Variants in ACP1 observed in about 807,000 individuals in gnomAD.
ACP1 encodes acid phosphatase 1.
Under a neutral mutation model 23.4 loss-of-function variants are expected in ACP1, and 23 were observed. The ratio of observed to expected loss-of-function variants is 0.98; its 90% CI spans 0.71 to 1.39. The LOEUF (loss-of-function observed/expected upper bound fraction) is 1.39. Ranked by LOEUF, ACP1 falls within the 40% of genes most tolerant of loss-of-function variation. ACP1 has a pLI of 0.00. For synonymous variants in ACP1, 72 were observed against 67.2 expected (o/e 1.07, Z -0.35); for missense variants, 180 against 197.7 (o/e 0.91, Z 0.54).
intron 1 of ACP1, among the ~76,000 whole-genome samples, chr2:267,821 TGACATACA>T (rs1430986651): frequency 6.6e-6 from 1 of 152,236 alleles, no homozygotes; most frequent in Non-Finnish European, 1.5e-5. Context: ...TGGCTTCACA[TGACATACA>T]GAAAGGGTGT....
At position 278,148 on chromosome 2, in the gene ACP1, A is replaced by G. The variant is rs60700010; in HGVS notation, c.*844A>G. 2.7e-3 allele frequency: 416 copies of G among 152,374 alleles called. 1 individual carries two copies. Among genetic ancestry groups the G allele is most frequent in the African/African-American group, 9.5e-3 (396 of 41,586 alleles). 9.4% of individuals were successfully genotyped at this position (152,374 alleles called of 1,614,324 possible). A position where few individuals can be genotyped will look rare whatever the true frequency, so the allele number is the denominator to read the frequency against. On this transcript the variant is annotated 3_prime_UTR_variant, in exon 6 of 6. Coordinates refer to ENST00000272065, the MANE Select transcript of ACP1 (RefSeq NM_004300.4). ...ATTATTTGGCATGCTTAAATATTGAATAAGTATTCTTCATCAGCATTTAAT... is the reference window on the plus strand; with the variant it reads ...ATTATTTGGCATGCTTAAATATTGAGTAAGTATTCTTCATCAGCATTTAAT...
Position 275,213 on chromosome 2 carries a change from T to A in ACP1, c.293+12T>A, listed in dbSNP as rs767068221. 26 of 1,479,706 alleles carry A rather than the reference T, an allele frequency of 1.8e-5. No individual in the cohort carries two copies. The highest frequency in any genetic ancestry group is 2.4e-5 in the Non-Finnish European group (26 of 1,074,372). The allele number at this position is 1,479,706 out of a possible 1,614,324, so 91.7% of individuals were successfully genotyped here. A position where few individuals can be genotyped will look rare whatever the true frequency, so the allele number is the denominator to read the frequency against. ...GAAAGCAATCTGAGGTAATCCTGTT[T>A]TTGAAGAATATTTCTGTTCAACTCT... On this transcript the variant is annotated intron_variant, in intron 4 of 5. Coordinates refer to ENST00000272065, the MANE Select transcript of ACP1 (RefSeq NM_004300.4).
At chr2:273,032 T>C (rs2103074614) in intron 3 of ACP1, 1 of 154,598 alleles carries the variant, frequency 6.5e-6, no homozygotes, top group African/African-American at 2.4e-5. Flanking sequence ...TACATTTATT[T>C]GGAGAAGTCC....
chr2:275,134 T>C lies in ACP1; in HGVS notation c.232-6T>C. On this transcript the variant is annotated splice_polypyrimidine_tract_variant and splice_region_variant and intron_variant, in intron 3 of 5. Coordinates refer to ENST00000272065, the MANE Select transcript of ACP1 (RefSeq NM_004300.4). Reference sequence around the variant, plus strand: ...CACTGTGTTTTGACTTCTTATTCAATTTTAGATTACCAAAGAAGATTTTGC... The same window carrying C: ...CACTGTGTTTTGACTTCTTATTCAACTTTAGATTACCAAAGAAGATTTTGC... 6.8e-7 allele frequency: 1 copy of C among 1,478,452 alleles called. No individual in the cohort carries two copies. Among genetic ancestry groups the C allele is most frequent in the Non-Finnish European group, 9.3e-7 (1 of 1,070,856 alleles). The allele number at this position is 1,478,452 out of a possible 1,614,324, so 91.6% of individuals were successfully genotyped here.
At position 265,008 on chromosome 2, in the gene ACP1, G is replaced by C. The variant is rs918377642; in HGVS notation, c.43+1G>C. The C allele has an allele frequency of 6.2e-7, 1 of 1,613,088 alleles. No homozygotes were observed. The highest frequency in any genetic ancestry group is 8.5e-7 in the Non-Finnish European group (1 of 1,179,572). On this transcript the variant is annotated splice_donor_variant, in intron 1 of 5. Transcript: ENST00000272065. LOFTEE classifies it high-confidence loss of function. The stretch of plus-strand genomic sequence containing the variant: ...AAGTCCGTGCTGTTTGTGTGTCTGG[G>C]TAAGAGGGCGCCGACTTACTCATGT...
At position 264,959 on chromosome 2, in the gene ACP1, G is replaced by A. The variant is rs528331795; in HGVS notation, c.-6G>A. The A allele has an allele frequency of 3.7e-5, 59 of 1,612,338 alleles. No homozygotes were observed. The highest frequency in any genetic ancestry group is 3.7e-5 in the Non-Finnish European group (44 of 1,179,276). On this transcript the variant is annotated 5_prime_UTR_variant, in exon 1 of 6. Coordinates refer to ENST00000272065, the MANE Select transcript of ACP1 (RefSeq NM_004300.4). Reference sequence around the variant, plus strand: ...GCGGTGTCTCGGCGCCTCTGCGCGCGGGAAGATGGCGGAACAGGCTACCAA... The same window carrying A: ...GCGGTGTCTCGGCGCCTCTGCGCGCAGGAAGATGGCGGAACAGGCTACCAA...
At chr2:268,498 A>G (rs1669948247) in intron 1 of ACP1, among the ~76,000 whole-genome samples, 1 of 152,152 alleles carries the variant, frequency 6.6e-6, no homozygotes. Flanking sequence ...AGGAGCCATG[A>G]CCCAGCCAGC....
At chr2:269,175 G>A (rs1201634716) in intron 1 of ACP1, 2 of 381,568 alleles carry the variant, frequency 5.2e-6, no homozygotes, top group East Asian at 7.6e-5. Flanking sequence ...AAATAGTGCT[G>A]ATGACAATAC....
rs1303040316 is a variant in ACP1 at position 277,989 on chromosome 2, A to G, written c.*685A>G. On this transcript the variant is annotated 3_prime_UTR_variant, in exon 6 of 6. Coordinates refer to ENST00000272065, the MANE Select transcript of ACP1 (RefSeq NM_004300.4). ...TTGCCTCTGAAACTTAATTACATCC[A>G]GAAAGAAGGACACTTGTATGCTAGT... 1 of 152,334 alleles carries G rather than the reference A, an allele frequency of 6.6e-6. No individual in the cohort carries two copies. Among genetic ancestry groups the G allele is most frequent in the African/African-American group, 2.4e-5 (1 of 41,464 alleles). 9.4% of individuals were successfully genotyped at this position (152,334 alleles called of 1,614,324 possible). A position where few individuals can be genotyped will look rare whatever the true frequency, so the allele number is the denominator to read the frequency against.
rs114229036 is a variant in ACP1 at position 272,324 on chromosome 2, A to C, written c.231+174A>C. On this transcript the variant is annotated intron_variant, in intron 3 of 5. Coordinates refer to ENST00000272065, the MANE Select transcript of ACP1 (RefSeq NM_004300.4). ...AAGACAGGTAGACAAGCTCTTGTTC[A>C]ATTTCTAATATATAGAGTCCAGTAA... 1.4e-3 allele frequency: 2,184 copies of C among 1,604,510 alleles called. 22 individuals are homozygous for C. In the African/African-American group the frequency reaches 0.024, roughly 18 times the overall value.
chr2:266,035 CA>C (rs1669868534), intron 1 of ACP1, among the ~76,000 whole-genome samples: 1 of 152,146 alleles, frequency 6.6e-6, no homozygotes, highest in South Asian at 2.1e-4. Flanking sequence ...TTTTATTACA[CA>C]AATTTTACTA....
intron 3 of ACP1, chr2:273,246 G>C (rs538509075): frequency 1.3e-5 from 2 of 152,232 alleles, no homozygotes; most frequent in African/African-American, 4.8e-5. Context: ...AAGATCCTGC[G>C]TCTCACTATT....
rs752391826 is a variant in ACP1 at position 265,202 on chromosome 2, G to T, written c.43+195G>T. 10 of 555,448 alleles carry T rather than the reference G, an allele frequency of 1.8e-5. No homozygotes were observed. The Middle Eastern group carries it at 2.7e-3, about 152-fold the overall frequency. The allele number at this position is 555,448 out of a possible 1,614,324, so 34.4% of individuals were successfully genotyped here. On this transcript the variant is annotated intron_variant, in intron 1 of 5. Coordinates refer to ENST00000272065, the MANE Select transcript of ACP1 (RefSeq NM_004300.4). ...CCCCGTGCACCCGCCCAGCCTGCCC[G>T]CTAAACCTGGGTCCCCTCGCGCCTG...
intron 3 of ACP1, among the ~76,000 whole-genome samples, chr2:273,508 GACTC>G (rs1361515098): frequency 6.6e-6 from 1 of 152,196 alleles, no homozygotes; most frequent in East Asian, 1.9e-4. Flanking sequence ...AACACAGCCA[GACTC>G]ACTCATTCAC....
intron 3 of ACP1, chr2:274,923 T>C (rs1452720324): frequency 2.8e-6 from 1 of 352,790 alleles, no homozygotes; most frequent in Non-Finnish European, 5.1e-6. Context: ...TTTATGATTA[T>C]TGTATGGAAC....
chr2:266,722 C>T (rs1055343233), intron 1 of ACP1, among the ~76,000 whole-genome samples: 2 of 152,210 alleles, frequency 1.3e-5, no homozygotes, highest in African/African-American at 4.8e-5. Flanking sequence ...TCAGGAATTT[C>T]TTTTTCCTTG....
intron 4 of ACP1, among the ~76,000 whole-genome samples, chr2:276,076 T>G (rs927744239): frequency 6.6e-6 from 1 of 152,192 alleles, no homozygotes; most frequent in Non-Finnish European, 1.5e-5. Flanking sequence ...CCCCATTTGC[T>G]TTGACTGGCA....
intron 3 of ACP1, among the ~76,000 whole-genome samples, chr2:273,486 A>G (rs1352317615): frequency 2.0e-5 from 3 of 152,196 alleles, no homozygotes; most frequent in Non-Finnish European, 4.4e-5. Flanking sequence ...TTTTATGAAC[A>G]GTGTTTGTTG....
intron 3 of ACP1, 99 bp downstream of exon 3, chr2:272,249 A>C: frequency 6.2e-7 from 1 of 1,614,184 alleles, no homozygotes; most frequent in Non-Finnish European, 8.5e-7. Flanking sequence ...CCCAGACCCA[A>C]GAGCTGTGAG....
Sources: gnomAD v4.1 joint callset for allele counts (sites outside exome capture counted in the v4.1 genomes callset) on GRCh38, gnomAD v4.1.1 for gene constraint, MANE v1.5 for transcripts, NCBI Gene and HGNC (gene_info 2026-07-23, HGNC 2026-07-21) for gene names.